Variants in LEKR1 observed in about 807,000 individuals in gnomAD.
LEKR1 encodes leucine, glutamate and lysine rich 1.
Under a neutral mutation model 72.4 loss-of-function variants are expected in LEKR1, and 59 were observed. The ratio of observed to expected loss-of-function variants is 0.82; its 90% CI spans 0.66 to 1.01. The LOEUF is 1.01. Ranked by LOEUF, LEKR1 falls within the 50% of genes least tolerant of loss-of-function variation. The pLI is 0.00. For missense variants in LEKR1, 728 were observed against 759.2 expected (o/e 0.96, Z 0.48); for synonymous variants, 257 against 263.2 (o/e 0.98, Z 0.23).
intron 6 of LEKR1, among the ~76,000 whole-genome samples, chr3:156,955,968 A>G (rs1576894828): frequency 6.6e-6 from 1 of 152,046 alleles, no homozygotes; most frequent in East Asian, 1.9e-4. Flanking sequence ...TAAAAAAAAA[A>G]AAAAGTAAGT....
At chr3:156,904,196 A>G (rs1275351072) in intron 3 of LEKR1, among the ~76,000 whole-genome samples, 6 of 152,218 alleles carry the variant, frequency 3.9e-5, no homozygotes, top group Non-Finnish European at 8.8e-5. Context: ...ACTAAAGAAT[A>G]AATAATGTGA....
chr3:157,045,338 A>G lies in LEKR1; in HGVS notation c.1669-2A>G, dbSNP rs1402647583. ...GCTTTCTTTTCCCCTCTCTCTTTTC[A>G]GAATACTTTTCTTCAGGAGACAGTG... On this transcript the variant is annotated splice_acceptor_variant, in intron 12 of 12. Coordinates refer to ENST00000356539, the MANE Select transcript of LEKR1 (RefSeq NM_001004316.3). LOFTEE classifies it high-confidence loss of function. 3.1e-6 allele frequency: 5 copies of G among 1,603,180 alleles called. No homozygotes were observed. In the South Asian group the frequency reaches 5.6e-5, roughly 18 times the overall value.
intron 3 of LEKR1, among the ~76,000 whole-genome samples, chr3:156,877,714 T>G (rs1718777423): frequency 6.6e-6 from 1 of 152,168 alleles, no homozygotes; most frequent in Non-Finnish European, 1.5e-5. Flanking sequence ...CTCTTCTTAT[T>G]TAATCTCACT....
chr3:156,975,300 T>TA (rs574647018), intron 6 of LEKR1, among the ~76,000 whole-genome samples: 48 of 150,280 alleles, frequency 3.2e-4, no homozygotes, highest in South Asian at 6.3e-4. Context: ...TATTTTACAT[T>TA]AAAAAAAAAA....
intron 3 of LEKR1, among the ~76,000 whole-genome samples, chr3:156,918,496 A>G (rs1345038502): frequency 2.0e-5 from 3 of 152,162 alleles, no homozygotes; most frequent in African/African-American, 4.8e-5. Context: ...ATCATGGACT[A>G]TGAGAATAAA....
intron 6 of LEKR1, among the ~76,000 whole-genome samples, chr3:156,963,737 CCA>C (rs1217960414): frequency 6.6e-6 from 1 of 152,166 alleles, no homozygotes; most frequent in East Asian, 1.9e-4. Context: ...TTTATTATCT[CCA>C]GTTTACAAAT....
intron 3 of LEKR1, among the ~76,000 whole-genome samples, chr3:156,913,029 A>G (rs1170044320): frequency 6.6e-6 from 1 of 151,794 alleles, no homozygotes; most frequent in Non-Finnish European, 1.5e-5. Context: ...AAGGTCCTGC[A>G]TTGCTTCTTG....
chr3:157,003,320 C>G (rs1346886293), intron 9 of LEKR1, among the ~76,000 whole-genome samples: 1 of 152,176 alleles, frequency 6.6e-6, no homozygotes, highest in Admixed American at 6.5e-5. Context: ...ATTGCTGAAG[C>G]TGTACAATAC....
chr3:157,034,107 C>G (rs1296691313), intron 12 of LEKR1, among the ~76,000 whole-genome samples: 1 of 151,978 alleles, frequency 6.6e-6, no homozygotes, highest in Non-Finnish European at 1.5e-5. Context: ...CATCTGGTCA[C>G]CCAAGAGCTC....
At chr3:156,867,494 T>A (rs1163599118) in intron 3 of LEKR1, among the ~76,000 whole-genome samples, 1 of 152,060 alleles carries the variant, frequency 6.6e-6, no homozygotes, top group East Asian at 1.9e-4. Flanking sequence ...CTTTTCAGTA[T>A]TTTGTACATG....
rs148284607 is a variant in LEKR1, at chr3:156,961,202, A to C, written c.746-17992A>C. Among the ~76,000 whole-genome samples the C allele has an allele frequency of 1.7e-3, 255 of 152,348 alleles. 5 individuals are homozygous for C. The highest frequency in any genetic ancestry group is 2.1e-3 in the Non-Finnish European group (146 of 68,028). ...GCTGTTCAGTATAGTAAATAACACA[A>C]ATACTTTAAAAAATGATTTTGCATA... On this transcript the variant is annotated intron_variant, in intron 6 of 12. Transcript: ENST00000356539.
intron 6 of LEKR1, among the ~76,000 whole-genome samples, chr3:156,944,599 C>T (rs1330026336): frequency 5.3e-5 from 8 of 151,698 alleles, no homozygotes; most frequent in Non-Finnish European, 8.9e-5. Flanking sequence ...TGGTAACCAC[C>T]ATTCTATTCT....
intron 5 of LEKR1, among the ~76,000 whole-genome samples, chr3:156,929,169 T>C (rs1724985455): frequency 6.6e-6 from 1 of 152,028 alleles, no homozygotes; most frequent in Admixed American, 6.6e-5. Flanking sequence ...TGGACTTTTT[T>C]TTTTTAAAGT....
At position 156,990,228 on chromosome 3, in the gene LEKR1, G is replaced by A. The variant is rs2321460; in HGVS notation, c.828-2425G>A. 1.5e-4 allele frequency among the ~76,000 whole-genome samples: 23 copies of A among 152,140 alleles called. No homozygotes were observed. The East Asian group carries it at 4.4e-3, about 29-fold the overall frequency. ...TTCCTCTCTATTAGATTAAGGATATGTATTCTTAGCCAGAAAACCACATAG... is the reference window on the plus strand; with the variant it reads ...TTCCTCTCTATTAGATTAAGGATATATATTCTTAGCCAGAAAACCACATAG... On this transcript the variant is annotated intron_variant, in intron 7 of 12. Transcript: ENST00000356539.
chr3:156,958,081 A>G (rs1727810095), intron 6 of LEKR1, among the ~76,000 whole-genome samples: 1 of 152,174 alleles, frequency 6.6e-6, no homozygotes, highest in African/African-American at 2.4e-5. Context: ...GGACAGGATT[A>G]TTAGCCCTAT....
chr3:156,945,801 T>C (rs144696615), intron 6 of LEKR1, among the ~76,000 whole-genome samples: 217 of 151,948 alleles, frequency 1.4e-3, no homozygotes, highest in Admixed American at 2.2e-3. Context: ...TCTGTTCCAT[T>C]GGTCTCTGTG....
intron 7 of LEKR1, chr3:156,979,964 T>C (rs1431951904): frequency 6.6e-6 from 1 of 152,088 alleles, no homozygotes; most frequent in Non-Finnish European, 1.5e-5. Context: ...CAGTGAACCA[T>C]GATCATGCCA....
In LEKR1 at chr3:157,006,444, A is replaced by G. The variant is rs1732444711; in HGVS notation, c.1110-4969A>G. ...ACAACTTATTAGAAAAACAGTTTGG[A>G]CGTTTCTTTAAAAGTTAAATATATA... On this transcript the variant is annotated intron_variant, in intron 9 of 12. Coordinates refer to ENST00000356539, the MANE Select transcript of LEKR1 (RefSeq NM_001004316.3). Among the ~76,000 whole-genome samples, 3 of 152,240 alleles carry G rather than the reference A, an allele frequency of 2.0e-5. No homozygotes were observed. The South Asian group carries it at 6.2e-4, about 32-fold the overall frequency.
chr3:157,026,739 T>TG (rs1210510568), intron 11 of LEKR1, among the ~76,000 whole-genome samples: 1 of 152,196 alleles, frequency 6.6e-6, no homozygotes, highest in African/African-American at 2.4e-5. Flanking sequence ...AGATTCTTAG[T>TG]GGGCTAGTTT....
Sources: gnomAD v4.1 joint callset for allele counts (sites outside exome capture counted in the v4.1 genomes callset) on GRCh38, gnomAD v4.1.1 for gene constraint, MANE v1.5 for transcripts, NCBI Gene and HGNC (gene_info 2026-07-23, HGNC 2026-07-21) for gene names.